Variants in TWSG1 observed in about 807,000 individuals in gnomAD.
TWSG1 encodes twisted gastrulation protein homolog 1.
TWSG1 carries 15 observed loss-of-function variants against 23.0 expected under a neutral mutation model. The ratio of observed to expected loss-of-function variants is 0.65; its 90% CI spans 0.44 to 1.00. The LOEUF (loss-of-function observed/expected upper bound fraction) is 1.00, where lower values mean the gene tolerates loss of function less well. TWSG1 is among the 50% of genes least tolerant of loss of function. The probability of loss-of-function intolerance (pLI) is 0.00; values close to 1 mark genes in which losing one functional copy is unlikely to be tolerated. For missense variants in TWSG1, 242 were observed against 278.7 expected, an observed-to-expected ratio of 0.87 and a Z score of 0.94; for synonymous variants, 86 against 92.8, an observed-to-expected ratio of 0.93 and a Z score of 0.42.
intron 2 of TWSG1, among the ~76,000 whole-genome samples, chr18:9,346,527 A>G (rs373944722): frequency 7.2e-5 from 11 of 152,102 alleles, no homozygotes; most frequent in African/African-American, 2.4e-4. Context: ...CTATAATCTC[A>G]GTGCTTTAGG....
In TWSG1 at chr18:9,396,215, ATG is replaced by A. The variant is rs1598836839; in HGVS notation, c.224-61_224-60del. 3.7e-5 allele frequency: 49 copies of A among 1,307,348 alleles called. No individual in the cohort carries two copies. The East Asian group carries it at 1.1e-3, about 31-fold the overall frequency. The allele number at this position is 1,307,348 out of a possible 1,614,324, so 81.0% of individuals were successfully genotyped here. A position where few individuals can be genotyped will look rare whatever the true frequency, so the allele number is the denominator to read the frequency against. ...TAATCCTAGAAGTTACATAATTTTA[ATG>A]TGTTATAGCTCTGATTGCAAGGCAG... is the stretch of plus-strand genomic sequence containing the variant. On this transcript the variant is annotated intron_variant, in intron 3 of 4. Transcript: ENST00000262120.
At chr18:9,367,482 C>T (rs1248545923) in intron 3 of TWSG1, among the ~76,000 whole-genome samples, 2 of 152,018 alleles carry the variant, frequency 1.3e-5, no homozygotes, top group African/African-American at 4.8e-5. Flanking sequence ...ACATGATGTC[C>T]TCCAGGTTCA....
Position 9,359,959 on chromosome 18 carries a change from G to A in TWSG1, c.124-13G>A. 1.9e-6 allele frequency: 3 copies of A among 1,610,080 alleles called. No homozygotes were observed. Among genetic ancestry groups the A allele is most frequent in the Non-Finnish European group, 2.5e-6 (3 of 1,176,884 alleles). ...ATTTGGAATTTGAAGTTTAACATCT[G>A]TCTTGTTTCTAGGAGCTCTGCCAGT... On this transcript the variant is annotated splice_polypyrimidine_tract_variant and intron_variant, in intron 2 of 4. Transcript: ENST00000262120.
At chr18:9,396,875 A>G (rs2040739502) in intron 4 of TWSG1, 1 of 376,446 alleles carries the variant, frequency 2.7e-6, no homozygotes, top group Admixed American at 4.3e-5. Context: ...CCTGACCAAC[A>G]TGGTGAAACC....
At chr18:9,350,829 G>C (rs1196503687) in intron 2 of TWSG1, among the ~76,000 whole-genome samples, 1 of 152,126 alleles carries the variant, frequency 6.6e-6, no homozygotes, top group East Asian at 1.9e-4. Flanking sequence ...AGATTCATGT[G>C]ATGCCCTCCT....
At position 9,396,187 on chromosome 18, in the gene TWSG1, G is replaced by T. The variant is rs577444793; in HGVS notation, c.224-93G>T. 1,049 of 665,244 alleles carry T rather than the reference G, an allele frequency of 1.6e-3. 2 individuals carry two copies. The highest frequency in any genetic ancestry group is 2.2e-3 in the Non-Finnish European group (879 of 404,842). 41.2% of individuals were successfully genotyped at this position (665,244 alleles called of 1,614,324 possible). A position where few individuals can be genotyped will look rare whatever the true frequency, so the allele number is the denominator to read the frequency against. ...AAAAAAAAGGTAGGAAAATATCCAT[G>T]TGTAATCCTAGAAGTTACATAATTT... is the stretch of plus-strand genomic sequence containing the variant. On this transcript the variant is annotated intron_variant, in intron 3 of 4. Coordinates refer to ENST00000262120, the MANE Select transcript of TWSG1 (RefSeq NM_020648.6).
chr18:9,397,240 C>G (rs1156587846), intron 4 of TWSG1, among the ~76,000 whole-genome samples: 2 of 152,128 alleles, frequency 1.3e-5, no homozygotes, highest in African/African-American at 4.8e-5. Context: ...TAAAATATTG[C>G]TCATTGTCAG....
In TWSG1 at chr18:9,375,035, C is replaced by T. The variant is rs537528762; in HGVS notation, c.223+14964C>T. 6.6e-5 allele frequency among the ~76,000 whole-genome samples: 10 copies of T among 152,064 alleles called. No homozygotes were observed. In the South Asian group the frequency reaches 1.9e-3, roughly 28 times the overall value. ...ACAAAAAATTAGCTGGGCGTGGTGG[C>T]GGACGCCTGTAGTCTCAGTTACTCA... On this transcript the variant is annotated intron_variant, in intron 3 of 4. Transcript: ENST00000262120.
chr18:9,359,839 T>C (rs2040544111), intron 2 of TWSG1, 133 bp from the exon 3 acceptor site: 1 of 589,644 alleles, frequency 1.7e-6, no homozygotes, highest in African/African-American at 1.9e-5. Context: ...GAATAGTTAA[T>C]AATGTTGAAT....
intron 3 of TWSG1, among the ~76,000 whole-genome samples, chr18:9,372,260 A>G (rs2145618031): frequency 6.6e-6 from 1 of 151,654 alleles, no homozygotes; most frequent in South Asian, 2.1e-4. Flanking sequence ...AACCTTATAA[A>G]TACTATACTT....
chr18:9,365,099 T>C (rs148554532), intron 3 of TWSG1, among the ~76,000 whole-genome samples: 1,673 of 152,208 alleles, frequency 0.011, 37 homozygotes, highest in African/African-American at 0.038. Context: ...AGAAGGAGGA[T>C]CACTTGAGCC....
intron 3 of TWSG1, 131 bp from the exon 4 acceptor site, chr18:9,396,149 A>C (rs2040734238): frequency 1.1e-4 from 6 of 56,522 alleles, no homozygotes; most frequent in Admixed American, 2.4e-4. Flanking sequence ...TCACCCAGCA[A>C]AAAAAAAAAA....
intron 2 of TWSG1, among the ~76,000 whole-genome samples, chr18:9,340,261 G>A (rs576219000): frequency 1.2e-4 from 18 of 151,470 alleles, no homozygotes; most frequent in Non-Finnish European, 2.5e-4. Context: ...CCAGCTACTC[G>A]GGAGGCTGAG....
intron 2 of TWSG1, among the ~76,000 whole-genome samples, chr18:9,352,034 T>G (rs2040504580): frequency 6.6e-6 from 1 of 152,192 alleles, no homozygotes; most frequent in South Asian, 2.1e-4. Context: ...GAGAATATTT[T>G]TCATCACCCT....
chr18:9,379,834 T>C (rs1267027465), intron 3 of TWSG1, among the ~76,000 whole-genome samples: 3 of 152,222 alleles, frequency 2.0e-5, no homozygotes, highest in Non-Finnish European at 4.4e-5. Flanking sequence ...AATCTATAGA[T>C]CAATTTGTAG....
At chr18:9,339,338 T>C (rs2040435865) in intron 2 of TWSG1, among the ~76,000 whole-genome samples, 1 of 152,240 alleles carries the variant, frequency 6.6e-6, no homozygotes, top group Non-Finnish European at 1.5e-5. Context: ...AAAAATTTTT[T>C]GGCTCTATTA....
intron 4 of TWSG1, among the ~76,000 whole-genome samples, chr18:9,398,890 T>G (rs970998439): frequency 6.6e-6 from 1 of 151,976 alleles, no homozygotes; most frequent in African/African-American, 2.4e-5. Context: ...ATGCTTGTAA[T>G]CCCAGCTACT....
chr18:9,339,383 C>T (rs187612474), intron 2 of TWSG1, among the ~76,000 whole-genome samples: 82 of 152,254 alleles, frequency 5.4e-4, no homozygotes, highest in African/African-American at 1.8e-3. Flanking sequence ...CAGGCTCCAG[C>T]GATCCTCCCA....
intron 3 of TWSG1, among the ~76,000 whole-genome samples, chr18:9,368,063 T>C: frequency 6.6e-6 from 1 of 152,234 alleles, no homozygotes; most frequent in Non-Finnish European, 1.5e-5. Context: ...ATGGTTGTAC[T>C]AATTTACATT....
Sources: gnomAD v4.1 joint callset for allele counts (sites outside exome capture counted in the v4.1 genomes callset) on GRCh38, gnomAD v4.1.1 for gene constraint, MANE v1.5 for transcripts, NCBI Gene and HGNC (gene_info 2026-07-23, HGNC 2026-07-21) for gene names.